The following PTPRN2 variants were observed in gnomAD, a reference collection of about 807,000 sequenced individuals.
The protein encoded by PTPRN2 is protein tyrosine phosphatase receptor type N2, also known as receptor-type tyrosine-protein phosphatase N2.
PTPRN2 carries 74 observed loss-of-function variants against 118.8 expected under a neutral mutation model. The observed-to-expected ratio is 0.62, with a 90% CI of 0.52 to 0.76. The LOEUF is 0.76. Ranked by LOEUF, PTPRN2 falls within the 30% of genes least tolerant of loss-of-function variation. The pLI is 0.00. For missense variants in PTPRN2, 1,481 were observed against 1,394.4 expected (o/e 1.06, Z -0.99); for synonymous variants, 641 against 608.0 (o/e 1.05, Z -0.80).
rs139239458 is a variant in PTPRN2, at chr7:158,176,503, C to T, written c.550-9212G>A. ...GTCGAGTGACAGACACCAAACACGC[C>T]GAGTGAACAGAGGAACCGTAAGCAG... On this transcript the variant is annotated intron_variant, in intron 5 of 22. Transcript: ENST00000389418. Among the ~76,000 whole-genome samples, 918 of 152,276 alleles carry T rather than the reference C, an allele frequency of 6.0e-3. 4 individuals are homozygous for T. Among genetic ancestry groups the T allele is most frequent in the African/African-American group, 0.021 (855 of 41,558 alleles).
intron 21 of PTPRN2, among the ~76,000 whole-genome samples, chr7:157,555,605 T>G (rs573904883): frequency 7.9e-5 from 12 of 152,374 alleles, no homozygotes; most frequent in African/African-American, 2.4e-4. Context: ...GGCAGCCTGT[T>G]CATGGATAAT....
rs1825034938 is a variant in PTPRN2, at chr7:158,529,262, A to T, written c.113-39477T>A. On this transcript the variant is annotated intron_variant, in intron 1 of 22. Transcript: ENST00000389418. The surrounding 1 kb of genome is among the most constrained non-coding windows in gnomAD (Gnocchi z 4.7). Reference sequence around the variant, plus strand: ...GGGAGGAGCAGCTGCGTGCATATTTACTTCTGAATATTTTCACATTTTAAA... The same window carrying T: ...GGGAGGAGCAGCTGCGTGCATATTTTCTTCTGAATATTTTCACATTTTAAA... Among the ~76,000 whole-genome samples, 1 of 152,204 alleles carries T rather than the reference A, an allele frequency of 6.6e-6. No individual in the cohort carries two copies. Among genetic ancestry groups the T allele is most frequent in the African/African-American group, 2.4e-5 (1 of 41,456 alleles).
chr7:157,597,031 T>C (rs1801384763), intron 16 of PTPRN2, among the ~76,000 whole-genome samples: 1 of 152,140 alleles, frequency 6.6e-6, no homozygotes, highest in Non-Finnish European at 1.5e-5. Flanking sequence ...TGAGTCCCCG[T>C]GCAGCCGTCA....
At chr7:158,057,185 C>A (rs1809857618) in intron 11 of PTPRN2, among the ~76,000 whole-genome samples, 1 of 152,174 alleles carries the variant, frequency 6.6e-6, no homozygotes, top group South Asian at 2.1e-4. Flanking sequence ...TGACCCTTAA[C>A]CCACCTTTCC....
chr7:158,068,161 C>T (rs73748018), intron 11 of PTPRN2, among the ~76,000 whole-genome samples: 2,518 of 152,320 alleles, frequency 0.017, 74 homozygotes, highest in African/African-American at 0.058. Context: ...GCGGCCCTGA[C>T]TGAGCAGAGC....
rs767602134 is a variant in PTPRN2 at position 157,987,981 on chromosome 7, C to T, written c.1724-89244G>A. Among the ~76,000 whole-genome samples the T allele has an allele frequency of 1.4e-4, 22 of 152,184 alleles. No homozygotes were observed. The highest frequency in any genetic ancestry group is 4.3e-4 in the African/African-American group (18 of 41,528). On this transcript the variant is annotated intron_variant, in intron 11 of 22. Transcript: ENST00000389418. This position sits in a 1 kb window ranked among gnomAD's most constrained non-coding sequence, Gnocchi z 4.3. ...CTCTCCCCACACCTGCCATTCCCTG[C>T]GTTACTGCAGCAGGGATCCAGAGAA...
chr7:157,545,000 G>C (rs1227387485), intron 22 of PTPRN2, among the ~76,000 whole-genome samples: 2 of 145,776 alleles, frequency 1.4e-5, no homozygotes, highest in African/African-American at 2.5e-5. Flanking sequence ...GGGTGTGCAG[G>C]GTCCATGACT....
At chr7:158,270,970 GGACC>G (rs1798431619) in intron 3 of PTPRN2, among the ~76,000 whole-genome samples, 1 of 75,604 alleles carries the variant, frequency 1.3e-5, no homozygotes, top group African/African-American at 5.6e-5. Flanking sequence ...CCCTCCACCT[GGACC>G]ACCCCCTCCA....
chr7:157,909,684 A>G (rs188082769), intron 11 of PTPRN2, among the ~76,000 whole-genome samples: 154 of 152,312 alleles, frequency 1.0e-3, no homozygotes, highest in Non-Finnish European at 7.8e-4. Context: ...GTTCTCACCC[A>G]ACATCGGGCC....
chr7:157,544,059 A>G (rs974213464), intron 22 of PTPRN2, among the ~76,000 whole-genome samples: 4 of 150,040 alleles, frequency 2.7e-5, no homozygotes, highest in South Asian at 2.1e-4. Flanking sequence ...GTGGAGAGAG[A>G]CGGAGAGAGG....
chr7:158,193,905 CAAAAAA>C (rs56234740), intron 4 of PTPRN2, among the ~76,000 whole-genome samples: 3 of 123,910 alleles, frequency 2.4e-5, no homozygotes, highest in Non-Finnish European at 3.4e-5. Context: ...GGCTCTGTCT[CAAAAAA>C]AAAAAAAAAA....
intron 3 of PTPRN2, among the ~76,000 whole-genome samples, chr7:158,210,870 G>C (rs1827540648): frequency 6.6e-6 from 1 of 152,156 alleles, no homozygotes; most frequent in African/African-American, 2.4e-5. Context: ...CTTCACTGCT[G>C]AATTTTACCA....
chr7:157,819,842 A>AC (rs112535257), intron 12 of PTPRN2, among the ~76,000 whole-genome samples: 322 of 147,844 alleles, frequency 2.2e-3, no homozygotes, highest in Non-Finnish European at 2.6e-3. Flanking sequence ...ACACTGCATG[A>AC]CCCCCCCCAC....
chr7:157,561,446 G>C (rs1436170280), intron 21 of PTPRN2, among the ~76,000 whole-genome samples: 1 of 152,250 alleles, frequency 6.6e-6, no homozygotes, highest in Non-Finnish European at 1.5e-5. Context: ...CTGCCCCTCT[G>C]TCCCTGGAGC....
At chr7:158,464,548 C>A (rs2260677) in intron 2 of PTPRN2, among the ~76,000 whole-genome samples, 90,505 of 137,748 alleles carry the variant, frequency 0.66, 29,116 homozygotes, top group Admixed American at 0.75. Flanking sequence ...CCATCATTGC[C>A]ATGCCATTTA....
chr7:157,998,063 AGGGTGG>A (rs1372867748), intron 11 of PTPRN2, among the ~76,000 whole-genome samples: 1 of 29,610 alleles, frequency 3.4e-5, no homozygotes, highest in African/African-American at 1.4e-4. Context: ...AGAGGAGTGC[AGGGTGG>A]GGGGAGAGGA....
intron 2 of PTPRN2, among the ~76,000 whole-genome samples, chr7:158,365,899 GCACA>G (rs140043303): frequency 1.0e-4 from 11 of 108,446 alleles, no homozygotes; most frequent in South Asian, 9.7e-4. Context: ...ATGCACGCGT[GCACA>G]CACACACACA....
chr7:158,355,143 C>T (rs1364169385), intron 2 of PTPRN2, among the ~76,000 whole-genome samples: 4 of 152,152 alleles, frequency 2.6e-5, no homozygotes, highest in Non-Finnish European at 5.9e-5. Flanking sequence ...TTCATCACCA[C>T]CAAACCCACC....
At chr7:158,507,041 T>TG (rs1283494267) in intron 1 of PTPRN2, among the ~76,000 whole-genome samples, 2 of 152,068 alleles carry the variant, frequency 1.3e-5, no homozygotes, top group South Asian at 2.1e-4. Context: ...AGGAGGTTAC[T>TG]GGGGGGAATG....
Sources: gnomAD v4.1 joint callset for allele counts (sites outside exome capture counted in the v4.1 genomes callset) on GRCh38, gnomAD v4.1.1 for gene constraint, Gnocchi (gnomAD v3.1) non-coding constraint, MANE v1.5 for transcripts, NCBI Gene and HGNC (gene_info 2026-07-23, HGNC 2026-07-21) for gene names.